Variants in EXT1 observed in about 807,000 individuals in gnomAD.
The protein encoded by EXT1 is exostosin glycosyltransferase 1, also known as exostosin-1.
Under a neutral mutation model 82.5 loss-of-function variants are expected in EXT1, and 20 were observed. That is an observed-to-expected ratio of 0.24 (90% CI 0.17 to 0.35). The LOEUF (loss-of-function observed/expected upper bound fraction) is 0.35, where lower values mean the gene tolerates loss of function less well. Among genes scored for constraint, EXT1 ranks in the 10% least tolerant of loss-of-function variants. The probability of loss-of-function intolerance (pLI) is 1.00; values close to 1 mark genes in which losing one functional copy is unlikely to be tolerated. For missense variants in EXT1, 757 were observed against 936.5 expected, an observed-to-expected ratio of 0.81 and a Z score of 2.50; for synonymous variants, 348 against 350.8, an observed-to-expected ratio of 0.99 and a Z score of 0.09.
chr8:117,814,464 G>A (rs2081303379), intron 7 of EXT1, among the ~76,000 whole-genome samples: 1 of 152,034 alleles, frequency 6.6e-6, no homozygotes, highest in South Asian at 2.1e-4. Flanking sequence ...ATATCATCGT[G>A]TTTCATCTTT....
intron 1 of EXT1, among the ~76,000 whole-genome samples, chr8:118,108,247 T>A (rs1817833734): frequency 6.6e-6 from 1 of 152,302 alleles, no homozygotes; most frequent in South Asian, 2.1e-4. Flanking sequence ...TATTTTCCAA[T>A]ATATATAATT....
At chr8:117,877,532 A>C (rs1403356872) in intron 1 of EXT1, among the ~76,000 whole-genome samples, 1 of 152,232 alleles carries the variant, frequency 6.6e-6, no homozygotes, top group Non-Finnish European at 1.5e-5. Context: ...CTGTTCCCAC[A>C]AGGTCTATTT....
Position 117,996,777 on chromosome 8 carries a change from G to A in EXT1, c.962+113308C>T, listed in dbSNP as rs979720920. Among the ~76,000 whole-genome samples, 4 of 152,200 alleles carry A rather than the reference G, an allele frequency of 2.6e-5. No individual in the cohort carries two copies. In the East Asian group the frequency reaches 7.7e-4, roughly 29 times the overall value. ...AGGGGAAAGAGAAAAGTGACAGGCA[G>A]AGGACAAACAGAAATTGTTCAAATG... On this transcript the variant is annotated intron_variant, in intron 1 of 10. Coordinates refer to ENST00000378204, the MANE Select transcript of EXT1 (RefSeq NM_000127.3).
At chr8:117,878,200 G>A (rs1197254707) in intron 1 of EXT1, among the ~76,000 whole-genome samples, 1 of 152,154 alleles carries the variant, frequency 6.6e-6, no homozygotes. Flanking sequence ...CTTGAGCCTG[G>A]GAGGTGGAGG....
At chr8:118,047,236 G>T (rs1816636882) in intron 1 of EXT1, among the ~76,000 whole-genome samples, 1 of 152,106 alleles carries the variant, frequency 6.6e-6, no homozygotes, top group African/African-American at 2.4e-5. Flanking sequence ...TTGGAATTCT[G>T]ACTCCACTAA....
chr8:117,857,843 A>G (rs1812592826), intron 1 of EXT1, among the ~76,000 whole-genome samples: 1 of 152,270 alleles, frequency 6.6e-6, no homozygotes, highest in Non-Finnish European at 1.5e-5. Context: ...AGGATTCACC[A>G]TTCTAGATGC....
chr8:117,854,696 T>C (rs765818563), intron 1 of EXT1, among the ~76,000 whole-genome samples: 2 of 152,222 alleles, frequency 1.3e-5, no homozygotes, highest in African/African-American at 2.4e-5. Flanking sequence ...ACTATGCTAA[T>C]TACATACAGT....
intron 1 of EXT1, among the ~76,000 whole-genome samples, chr8:117,983,068 G>A (rs757264380): frequency 5.3e-5 from 8 of 152,174 alleles, no homozygotes; most frequent in East Asian, 1.9e-4. Context: ...TCTCTCTCCC[G>A]AACAAGATTT....
intron 1 of EXT1, among the ~76,000 whole-genome samples, chr8:117,872,326 C>T (rs1185339157): frequency 1.3e-5 from 2 of 151,968 alleles, no homozygotes; most frequent in East Asian, 3.9e-4. Context: ...CTCTGTTCTT[C>T]AAGAAAGCAG....
intron 1 of EXT1, among the ~76,000 whole-genome samples, chr8:118,086,997 A>G (rs1450427323): frequency 6.6e-6 from 1 of 152,210 alleles, no homozygotes; most frequent in Non-Finnish European, 1.5e-5. Context: ...AACTGTCACC[A>G]TGAAATACTG....
intron 1 of EXT1, among the ~76,000 whole-genome samples, chr8:117,921,245 A>G (rs948509644): frequency 3.3e-5 from 5 of 152,158 alleles, no homozygotes; most frequent in African/African-American, 1.2e-4. Context: ...TACTTCCATC[A>G]TAAATGCTAA....
intron 1 of EXT1, among the ~76,000 whole-genome samples, chr8:118,037,352 C>A (rs935425231): frequency 9.9e-5 from 15 of 151,654 alleles, no homozygotes; most frequent in Non-Finnish European, 1.6e-4. Flanking sequence ...CCCTCGAGTA[C>A]CTTACAATTT....
At chr8:118,090,298 G>A (rs750261116) in intron 1 of EXT1, among the ~76,000 whole-genome samples, 12 of 152,076 alleles carry the variant, frequency 7.9e-5, no homozygotes, top group Admixed American at 2.6e-4. Flanking sequence ...GGTGGCACAC[G>A]TCCTGCTGGC....
intron 1 of EXT1, among the ~76,000 whole-genome samples, chr8:117,879,898 T>C (rs1813032699): frequency 1.3e-5 from 2 of 152,240 alleles, no homozygotes; most frequent in Non-Finnish European, 2.9e-5. Context: ...AGGTGTGCTT[T>C]GGATGAGTCT....
intron 1 of EXT1, among the ~76,000 whole-genome samples, chr8:117,864,748 CAAAA>C (rs34215192): frequency 2.3e-5 from 2 of 88,020 alleles, no homozygotes; most frequent in African/African-American, 5.1e-5. Flanking sequence ...GACTCTGCCT[CAAAA>C]AAAAAAAAAA....
At chr8:117,999,960 G>GTGTA (rs1815625693) in intron 1 of EXT1, among the ~76,000 whole-genome samples, 1 of 150,718 alleles carries the variant, frequency 6.6e-6, no homozygotes, top group African/African-American at 2.4e-5. Context: ...GTATGTGCGT[G>GTGTA]TATATATATA....
At chr8:117,898,956 G>C (rs958354090) in intron 1 of EXT1, among the ~76,000 whole-genome samples, 1 of 152,068 alleles carries the variant, frequency 6.6e-6, no homozygotes, top group South Asian at 2.1e-4. Context: ...ACCCCCAAAT[G>C]CTTCCTTTTT....
chr8:118,092,056 C>T (rs1346654662), intron 1 of EXT1, among the ~76,000 whole-genome samples: 1 of 152,160 alleles, frequency 6.6e-6, no homozygotes, highest in East Asian at 1.9e-4. Flanking sequence ...TTATAACTAA[C>T]ACAAGACTTA....
chr8:117,831,654 C>T, intron 3 of EXT1: 1 of 471,158 alleles, frequency 2.1e-6, no homozygotes, highest in Non-Finnish European at 4.4e-6. Context: ...ATATGGGAGT[C>T]TGAGCAAGAA....
Sources: allele counts gnomAD v4.1 joint callset (sites outside exome capture counted in the v4.1 genomes callset), GRCh38; gene constraint gnomAD v4.1.1; transcripts MANE v1.5; gene names NCBI Gene and HGNC (gene_info 2026-07-23, HGNC 2026-07-21).